LARGE1: variants seen among roughly 807,000 people sequenced by gnomAD.
LARGE1 encodes LARGE xylosyl- and glucuronyltransferase 1, also known as xylosyl- and glucuronyltransferase LARGE1.
LARGE1 carries 43 observed loss-of-function variants against 87.6 expected under a neutral mutation model. The ratio of observed to expected loss-of-function variants is 0.49; its 90% CI spans 0.38 to 0.63. LARGE1 has a LOEUF of 0.63. Among genes scored for constraint, LARGE1 ranks in the 30% least tolerant of loss-of-function variants. The probability of loss-of-function intolerance (pLI) is 0.00; values close to 1 mark genes in which losing one functional copy is unlikely to be tolerated. For synonymous variants in LARGE1, 434 were observed against 394.6 expected (o/e 1.10, Z -1.18); for missense variants, 802 against 1,000.2 (o/e 0.80, Z 2.67).
At chr22:33,112,938 A>G in the LARGE1 span, among the ~76,000 whole-genome samples, 3 of 152,174 alleles carry the variant, frequency 2.0e-5, no homozygotes, top group Non-Finnish European at 2.9e-5. Flanking sequence ...CAGGTGTTAA[A>G]ATTGGTCAGA....
chr22:33,109,066 T>A, the LARGE1 span: 1 of 152,174 alleles, frequency 6.6e-6, no homozygotes, highest in Non-Finnish European at 1.5e-5. Context: ...ATACATTGTG[T>A]TCAATGAAGG....
intron 1 of LARGE1, among the ~76,000 whole-genome samples, chr22:33,797,306 T>C (rs996400002): frequency 2.0e-5 from 3 of 152,190 alleles, no homozygotes; most frequent in African/African-American, 7.2e-5. Flanking sequence ...AGCTCCACCT[T>C]TCTCTGCCTT....
intron 6 of LARGE1, among the ~76,000 whole-genome samples, chr22:33,549,669 G>C (rs2077467251): frequency 6.6e-6 from 1 of 152,166 alleles, no homozygotes; most frequent in Non-Finnish European, 1.5e-5. Context: ...AATAAGAAGG[G>C]AAAGCAAGTC....
chr22:33,444,387 A>T lies in LARGE1; in HGVS notation c.788-12122T>A, dbSNP rs376664336. On this transcript the variant is annotated intron_variant, in intron 6 of 14. Transcript: ENST00000397394. ...GTTACTGCTTAATTTTTTTCCCCTT[A>T]TAGTATTCCTTTCTTCTTTTTTGAG... Among the ~76,000 whole-genome samples, 312 of 152,250 alleles carry T rather than the reference A, an allele frequency of 2.0e-3. 2 individuals are homozygous for T. Among genetic ancestry groups the T allele is most frequent in the African/African-American group, 6.9e-3 (287 of 41,560 alleles).
At chr22:33,480,265 G>C (rs1233643672) in intron 6 of LARGE1, among the ~76,000 whole-genome samples, 1 of 152,210 alleles carries the variant, frequency 6.6e-6, no homozygotes, top group East Asian at 1.9e-4. Flanking sequence ...GAAATACAGA[G>C]AGTGACAGTA....
intron 2 of LARGE1, among the ~76,000 whole-genome samples, chr22:33,757,159 T>C (rs748028821): frequency 3.9e-5 from 6 of 152,200 alleles, no homozygotes; most frequent in Non-Finnish European, 7.3e-5. Flanking sequence ...CTTTCCCAGA[T>C]GGTGAACTCC....
chr22:33,530,250 C>T (rs2072129963), intron 6 of LARGE1, among the ~76,000 whole-genome samples: 1 of 152,116 alleles, frequency 6.6e-6, no homozygotes, highest in African/African-American at 2.4e-5. Flanking sequence ...GATAAAAATC[C>T]AATGTGCTAA....
At chr22:33,157,256 G>A (rs898736373), downstream of LARGE1, among the ~76,000 whole-genome samples, 6 of 152,152 alleles carry the variant, frequency 3.9e-5, no homozygotes, top group African/African-American at 1.4e-4. Context: ...TGTATAAAAA[G>A]CTGAGAGATT....
At chr22:33,346,163 G>A (rs1197010377) in intron 9 of LARGE1, among the ~76,000 whole-genome samples, 3 of 151,978 alleles carry the variant, frequency 2.0e-5, no homozygotes, top group Non-Finnish European at 4.4e-5. Flanking sequence ...GCCTTTCCCT[G>A]TGCTCTCCCC....
At chr22:33,620,126 T>C (rs920120103) in intron 4 of LARGE1, among the ~76,000 whole-genome samples, 1 of 152,206 alleles carries the variant, frequency 6.6e-6, no homozygotes, top group Non-Finnish European at 1.5e-5. Context: ...GTCACGAATA[T>C]GCTCTTTTAT....
At chr22:33,380,513 T>C (rs893227123) in intron 9 of LARGE1, among the ~76,000 whole-genome samples, 1 of 152,208 alleles carries the variant, frequency 6.6e-6, no homozygotes, top group Non-Finnish European at 1.5e-5. Context: ...TATGAAAATT[T>C]GAAAACAACT....
intron 5 of LARGE1, among the ~76,000 whole-genome samples, chr22:33,566,606 G>T (rs149312714): frequency 4.4e-4 from 67 of 152,316 alleles, no homozygotes; most frequent in African/African-American, 1.5e-3. Context: ...AAGAGCGAAA[G>T]AACAAAGCTT....
intron 1 of LARGE1, among the ~76,000 whole-genome samples, chr22:33,778,456 AGAAAACCAGTCACCTCC>A (rs1295897699): frequency 6.6e-6 from 1 of 152,196 alleles, no homozygotes; most frequent in Non-Finnish European, 1.5e-5. Flanking sequence ...TCAATCTGAA[AGAAAACCAGTCACCTCC>A]CATTTTCCCT....
intron 1 of LARGE1, among the ~76,000 whole-genome samples, chr22:33,871,850 G>T (rs1370550037): frequency 1.3e-5 from 2 of 151,486 alleles, no homozygotes; most frequent in Non-Finnish European, 2.9e-5. Flanking sequence ...GTTAATTGAT[G>T]ACCTTCAGAA....
chr22:33,687,868 C>A (rs540035119), intron 2 of LARGE1, among the ~76,000 whole-genome samples: 2 of 152,264 alleles, frequency 1.3e-5, no homozygotes, highest in East Asian at 1.9e-4. Context: ...CTTTATCTGA[C>A]GGAGCCTCCA....
intron 4 of LARGE1, among the ~76,000 whole-genome samples, chr22:33,623,371 C>A (rs996623808): frequency 2.0e-5 from 3 of 152,076 alleles, no homozygotes; most frequent in Non-Finnish European, 4.4e-5. Context: ...AGGTCAAGCC[C>A]CATTTGGCCA....
chr22:33,817,343 G>T (rs1316004617), intron 1 of LARGE1, among the ~76,000 whole-genome samples: 1 of 152,106 alleles, frequency 6.6e-6, no homozygotes, highest in African/African-American at 2.4e-5. Flanking sequence ...TAAGCCCTTT[G>T]CATATATATA....
chr22:33,381,239 T>C lies in LARGE1; in HGVS notation c.1131+680A>G, dbSNP rs142028456. The stretch of plus-strand genomic sequence containing the variant: ...AACCAGCCTACAAACTCATCAACTA[T>C]ATAAATGGTTGCTGATTTAGGCCAC... On this transcript the variant is annotated intron_variant, in intron 9 of 14. Coordinates refer to ENST00000397394, the MANE Select transcript of LARGE1 (RefSeq NM_133642.5). 4.6e-5 allele frequency among the ~76,000 whole-genome samples: 7 copies of C among 152,292 alleles called. No individual in the cohort carries two copies. In the East Asian group the frequency reaches 9.6e-4, roughly 21 times the overall value.
intron 7 of LARGE1, among the ~76,000 whole-genome samples, chr22:33,394,051 C>G (rs960972168): frequency 7.1e-6 from 1 of 141,806 alleles, no homozygotes; most frequent in African/African-American, 2.7e-5. Context: ...ATTTTATGAG[C>G]TAGACATTAT....
Sources: allele counts gnomAD v4.1 joint callset (sites outside exome capture counted in the v4.1 genomes callset), GRCh38; gene constraint gnomAD v4.1.1; transcripts MANE v1.5; gene names NCBI Gene and HGNC (gene_info 2026-07-23, HGNC 2026-07-21).